Variants in RFX4 observed in about 807,000 individuals in gnomAD.
RFX4 encodes transcription factor RFX4.
In RFX4, 10 loss-of-function variants were observed where a neutral mutation model predicts 95.0. The ratio of observed to expected loss-of-function variants is 0.11; its 90% CI spans 0.06 to 0.18. The LOEUF is 0.18. Ranked by LOEUF, RFX4 falls within the 10% of genes least tolerant of loss-of-function variation. The pLI, the probability that RFX4 is intolerant of heterozygous loss-of-function variation, is 1.00. For synonymous variants in RFX4, 321 were observed against 340.7 expected (o/e 0.94, Z 0.64); for missense variants, 640 against 922.0 (o/e 0.69, Z 3.96).
At chr12:106,636,630 G>A (rs1297840099) in intron 2 of RFX4, among the ~76,000 whole-genome samples, 1 of 152,188 alleles carries the variant, frequency 6.6e-6, no homozygotes, top group Non-Finnish European at 1.5e-5. Flanking sequence ...AACAAGTGTT[G>A]AGTCTACGAT....
At chr12:106,700,531 C>T (rs1265615233) in intron 8 of RFX4, among the ~76,000 whole-genome samples, 5 of 150,694 alleles carry the variant, frequency 3.3e-5, no homozygotes, top group African/African-American at 9.8e-5. Context: ...CTCAGCCTCC[C>T]GAGTAGCTGG....
intron 8 of RFX4, among the ~76,000 whole-genome samples, chr12:106,702,161 G>A (rs184525843): frequency 6.6e-6 from 1 of 151,940 alleles, no homozygotes; most frequent in East Asian, 1.9e-4. Context: ...TAAATTTCCT[G>A]TCTGATAGTC....
At chr12:106,756,244 C>G (rs1008702161) in intron 17 of RFX4, among the ~76,000 whole-genome samples, 1 of 152,166 alleles carries the variant, frequency 6.6e-6, no homozygotes, top group African/African-American at 2.4e-5. Flanking sequence ...CCAGGCCCAA[C>G]CAAAAGGAGA....
At chr12:106,751,546 C>G (rs1326269241) in intron 17 of RFX4, among the ~76,000 whole-genome samples, 1 of 148,582 alleles carries the variant, frequency 6.7e-6, no homozygotes, top group East Asian at 2.0e-4. Context: ...AGTTTACAGT[C>G]CCACCAACAG....
chr12:106,761,511 T>C lies in RFX4; in HGVS notation c.*42T>C, dbSNP rs1642544984. On this transcript the variant is annotated 3_prime_UTR_variant, in exon 18 of 18. Coordinates refer to ENST00000392842, the MANE Select transcript of RFX4 (RefSeq NM_213594.3). ...CCATATTTAATATTAATAATAATAATTAATAATAATAATAAACCCAACACC... is the reference window on the plus strand; with the variant it reads ...CCATATTTAATATTAATAATAATAACTAATAATAATAATAAACCCAACACC... 7.9e-7 allele frequency: 1 copy of C among 1,269,740 alleles called. No individual in the cohort carries two copies. Among genetic ancestry groups the C allele is most frequent in the African/African-American group, 1.6e-5 (1 of 64,108 alleles). The allele number at this position is 1,269,740 out of a possible 1,614,324, so 78.7% of individuals were successfully genotyped here.
chr12:106,709,261 C>T (rs1254354414), intron 8 of RFX4, 69 bp from the exon 9 acceptor site: 1 of 1,251,172 alleles, frequency 8.0e-7, no homozygotes, highest in Non-Finnish European at 1.1e-6. Context: ...GAAATAAAAC[C>T]CTCTAGGGGC....
At chr12:106,693,942 C>T (rs1238024617) in intron 7 of RFX4, among the ~76,000 whole-genome samples, 4 of 152,182 alleles carry the variant, frequency 2.6e-5, no homozygotes, top group African/African-American at 9.7e-5. Context: ...TAGAAATCTT[C>T]ACCAAAACCT....
At chr12:106,749,721 C>T (rs2042964170) in intron 16 of RFX4, among the ~76,000 whole-genome samples, 1 of 152,172 alleles carries the variant, frequency 6.6e-6, no homozygotes, top group Non-Finnish European at 1.5e-5. Flanking sequence ...TGTGTTCACA[C>T]ATACGATCCT....
chr12:106,675,193 G>A (rs1362276538), intron 4 of RFX4, among the ~76,000 whole-genome samples: 4 of 152,224 alleles, frequency 2.6e-5, no homozygotes, highest in East Asian at 1.9e-4. Context: ...CACTTTGGGA[G>A]GCAGAGGTGG....
At chr12:106,722,344 G>C (rs57769063) in intron 13 of RFX4, among the ~76,000 whole-genome samples, 198 of 152,238 alleles carry the variant, frequency 1.3e-3, no homozygotes, top group African/African-American at 4.6e-3. Context: ...TCTTCAATTT[G>C]CTTATTCTTA....
intron 3 of RFX4, among the ~76,000 whole-genome samples, chr12:106,648,625 GGTTT>G (rs1237517468): frequency 6.8e-6 from 1 of 146,166 alleles, no homozygotes; most frequent in East Asian, 1.9e-4. Flanking sequence ...AATCCTGTGG[GGTTT>G]TTTTTTTTTT....
chr12:106,684,774 C>T (rs753162701), intron 5 of RFX4: 97 of 1,491,884 alleles, frequency 6.5e-5, no homozygotes, highest in Middle Eastern at 1.7e-4. Context: ...AGGCAGACTT[C>T]GCTCAGCACA....
intron 8 of RFX4, among the ~76,000 whole-genome samples, chr12:106,702,670 C>A (rs1278577803): frequency 6.6e-6 from 1 of 152,162 alleles, no homozygotes; most frequent in Admixed American, 6.5e-5. Flanking sequence ...ATTGCAGAGA[C>A]AAAACTCTAG....
intron 2 of RFX4, among the ~76,000 whole-genome samples, chr12:106,614,084 A>AT (rs1009297278): frequency 1.3e-5 from 2 of 151,752 alleles, no homozygotes; most frequent in Non-Finnish European, 2.9e-5. Flanking sequence ...TTTTGGTTGC[A>AT]TTTTTTCTGA....
intron 8 of RFX4, among the ~76,000 whole-genome samples, chr12:106,702,160 T>C (rs1274841026): frequency 6.6e-6 from 1 of 152,144 alleles, no homozygotes; most frequent in Non-Finnish European, 1.5e-5. Context: ...TTAAATTTCC[T>C]GTCTGATAGT....
chr12:106,696,257 ATTC>A, intron 7 of RFX4, 23 bp from the exon 8 acceptor site: 5 of 1,613,472 alleles, frequency 3.1e-6, no homozygotes, highest in Non-Finnish European at 4.2e-6. Flanking sequence ...TAACCTCATG[ATTC>A]TTCTCTCTGT....
intron 2 of RFX4, among the ~76,000 whole-genome samples, chr12:106,629,518 T>C (rs1281956536): frequency 6.6e-6 from 1 of 152,154 alleles, no homozygotes; most frequent in Non-Finnish European, 1.5e-5. Flanking sequence ...TCTTGCTCTG[T>C]TACCCAGGCT....
Position 106,586,876 on chromosome 12 carries a change from G to T in RFX4, c.43+3513G>T, listed in dbSNP as rs1195453031. Among the ~76,000 whole-genome samples the T allele has an allele frequency of 6.6e-6, 1 of 152,250 alleles. No homozygotes were observed. Among genetic ancestry groups the T allele is most frequent in the Non-Finnish European group, 1.5e-5 (1 of 68,050 alleles). ...ATTCTTGCCCAGGCACAGCCCTGGG[G>T]AAGGAGCCACTGTCTGCGGGCTTGG... is the stretch of plus-strand genomic sequence containing the variant. On this transcript the variant is annotated intron_variant, in intron 1 of 17. Coordinates refer to ENST00000392842, the MANE Select transcript of RFX4 (RefSeq NM_213594.3). This position sits in a 1 kb window ranked among gnomAD's most constrained non-coding sequence, Gnocchi z 5.6.
chr12:106,731,141 A>T (rs976903421), intron 13 of RFX4, among the ~76,000 whole-genome samples: 1 of 152,158 alleles, frequency 6.6e-6, no homozygotes. Context: ...TCCTATTGGG[A>T]CCTGGAAACA....
Sources: allele counts gnomAD v4.1 joint callset (sites outside exome capture counted in the v4.1 genomes callset), GRCh38; gene constraint gnomAD v4.1.1; non-coding constraint Gnocchi (gnomAD v3.1); transcripts MANE v1.5; gene names NCBI Gene and HGNC (gene_info 2026-07-23, HGNC 2026-07-21).